The following ZNF106 variants were observed in gnomAD, a reference collection of about 807,000 sequenced individuals.
ZNF106 encodes SH3-domain binding protein 3.
Under a neutral mutation model 195.1 loss-of-function variants are expected in ZNF106, and 67 were observed. The observed-to-expected ratio is 0.34, with a 90% CI of 0.28 to 0.42. The LOEUF is 0.42. Among genes scored for constraint, ZNF106 ranks in the 10% least tolerant of loss-of-function variants. The probability of loss-of-function intolerance (pLI) is 1.00; values close to 1 mark genes in which losing one functional copy is unlikely to be tolerated. For synonymous variants in ZNF106, 784 were observed against 818.6 expected (o/e 0.96, Z 0.72); for missense variants, 2,118 against 2,304.5 (o/e 0.92, Z 1.66).
intron 10 of ZNF106, among the ~76,000 whole-genome samples, chr15:42,441,034 T>A (rs1446774680): frequency 2.3e-4 from 21 of 92,298 alleles, no homozygotes; most frequent in East Asian, 2.2e-3. Flanking sequence ...TATATATATA[T>A]ATATATATAT....
intron 6 of ZNF106, 22 bp downstream of exon 6, chr15:42,448,050 A>C: frequency 6.3e-7 from 1 of 1,575,730 alleles, no homozygotes; most frequent in Non-Finnish European, 8.6e-7. Flanking sequence ...GTTCTACAAA[A>C]AGCAGAGGGA....
intron 1 of ZNF106, among the ~76,000 whole-genome samples, chr15:42,485,736 T>C (rs1368886308): frequency 6.6e-6 from 1 of 152,188 alleles, no homozygotes; most frequent in Non-Finnish European, 1.5e-5. Context: ...ATAAAAATTA[T>C]TATAAAATAA....
chr15:42,451,982 G>T (rs779349298), intron 4 of ZNF106, 28 bp from the exon 5 acceptor site: 2 of 1,579,926 alleles, frequency 1.3e-6, no homozygotes, highest in African/African-American at 2.7e-5. Context: ...TTTCATTAGC[G>T]ATTTAAAGGA....
At position 42,414,722 on chromosome 15, in the gene ZNF106, G is replaced by C. The variant is rs1171523714; in HGVS notation, c.*2582C>G. The C allele has an allele frequency of 1.3e-5, 2 of 152,252 alleles. No individual in the cohort carries two copies. Among genetic ancestry groups the C allele is most frequent in the African/African-American group, 2.4e-5 (1 of 41,454 alleles). 9.4% of individuals were successfully genotyped at this position (152,252 alleles called of 1,614,324 possible). On this transcript the variant is annotated 3_prime_UTR_variant, in exon 22 of 22. Coordinates refer to ENST00000564754, the MANE Select transcript of ZNF106 (RefSeq NM_001366845.3). ...GATACATCGTCAGGCAGGGCAGAAG[G>C]GCACTACGCCGCAGAGCATTCGAGG...
At chr15:42,433,436 C>T (rs1350280606) in intron 14 of ZNF106, among the ~76,000 whole-genome samples, 1 of 151,054 alleles carries the variant, frequency 6.6e-6, no homozygotes, top group African/African-American at 2.4e-5. Flanking sequence ...CATTTTAATT[C>T]CTCAATTGAC....
At chr15:42,472,058 G>A (rs1273928607) in intron 2 of ZNF106, among the ~76,000 whole-genome samples, 178 bp downstream of exon 2, 1 of 152,130 alleles carries the variant, frequency 6.6e-6, no homozygotes, top group East Asian at 1.9e-4. Context: ...AGGCAGTAAC[G>A]AGAAAGAAAC....
chr15:42,435,583 C>T, intron 13 of ZNF106, 65 bp from the exon 14 acceptor site: 2 of 1,591,494 alleles, frequency 1.3e-6, no homozygotes, highest in Non-Finnish European at 1.7e-6. Context: ...AATATATTTC[C>T]TCAACAAAAA....
Position 42,449,801 on chromosome 15 carries a change from T to A in ZNF106, c.2471A>T (p.Lys824Ile). ...WEQVIQQVTK[K>I]KQELGKGLPR... Reference sequence around the variant, plus strand: ...TAAGCCTTTGCCCAGCTCTTGCTTTTTCTTGGTTACTTGCTGAATGACCTG... The same window carrying A: ...TAAGCCTTTGCCCAGCTCTTGCTTTATCTTGGTTACTTGCTGAATGACCTG... Residue 824 changes from lysine to isoleucine, a missense_variant, in exon 5 of 22, where the codon AAA (lysine) becomes ATA (isoleucine). Transcript: ENST00000564754. 1 of 1,614,050 alleles carries A rather than the reference T, an allele frequency of 6.2e-7. No homozygotes were observed. The highest frequency in any genetic ancestry group is 1.1e-5 in the South Asian group (1 of 91,074).
intron 1 of ZNF106, among the ~76,000 whole-genome samples, chr15:42,476,496 G>C (rs2056787422): frequency 6.6e-6 from 1 of 152,116 alleles, no homozygotes; most frequent in Admixed American, 6.6e-5. Context: ...CCTTACACTG[G>C]TTTTCACCAT....
chr15:42,428,281 T>C (rs778040335), intron 14 of ZNF106, 147 bp from the exon 15 acceptor site: 4 of 580,714 alleles, frequency 6.9e-6, no homozygotes, highest in Non-Finnish European at 1.2e-5. Context: ...ATCTTAGATC[T>C]GTTTCTCCTT....
At chr15:42,463,213 TTTTG>T (rs1163826329) in intron 3 of ZNF106, among the ~76,000 whole-genome samples, 1 of 152,194 alleles carries the variant, frequency 6.6e-6, no homozygotes, top group Non-Finnish European at 1.5e-5. Flanking sequence ...ACCTTGTTTG[TTTTG>T]TTTAATGATA....
intron 18 of ZNF106, among the ~76,000 whole-genome samples, 188 bp from the exon 19 acceptor site, chr15:42,422,176 C>A (rs773669089): frequency 2.1e-4 from 32 of 152,146 alleles, no homozygotes; most frequent in Middle Eastern, 6.8e-3. Flanking sequence ...AAGGAGGGAG[C>A]TGGTAATTAG....
chr15:42,451,147 G>A lies in ZNF106; in HGVS notation c.1125C>T (p.Tyr375=), dbSNP rs1244211800. 4 of 1,614,158 alleles carry A rather than the reference G, an allele frequency of 2.5e-6. No homozygotes were observed. Among genetic ancestry groups the A allele is most frequent in the Non-Finnish European group, 3.4e-6 (4 of 1,180,030 alleles). The part of the protein sequence containing the change: ...AREKPRRWTP[Y]PSQKTLDLQS... ...GTAAATCCAGAGTCTTCTGAGAAGG[G>A]TAAGGCGTCCAGCGACGAGGCTTTT... Residue 375 remains tyrosine (Y), a synonymous_variant, in exon 5 of 22, where the codon TAC becomes TAT. Coordinates refer to ENST00000564754, the MANE Select transcript of ZNF106 (RefSeq NM_001366845.3).
At chr15:42,451,981 C>T (rs568904235) in intron 4 of ZNF106, 27 bp from the exon 5 acceptor site, 15 of 1,583,746 alleles carry the variant, frequency 9.5e-6, no homozygotes, top group Non-Finnish European at 1.1e-5. Flanking sequence ...TTTTCATTAG[C>T]GATTTAAAGG....
At chr15:42,429,792 T>C (rs1215552396) in intron 14 of ZNF106, among the ~76,000 whole-genome samples, 2 of 152,002 alleles carry the variant, frequency 1.3e-5, no homozygotes, top group Non-Finnish European at 2.9e-5. Flanking sequence ...GAACATTACA[T>C]AGCAATAAAA....
rs201102338 is a variant in ZNF106, at chr15:42,425,015, C to T, written c.5009G>A (p.Arg1670Gln). 2.5e-6 allele frequency: 4 copies of T among 1,613,780 alleles called. No homozygotes were observed. The highest frequency in any genetic ancestry group is 2.2e-5 in the East Asian group (1 of 44,880). Residue 1670 changes from arginine (R) to glutamine (Q), a missense_variant, in exon 16 of 22, where the codon CGA (arginine) becomes CAA (glutamine). Arg to Gln is a conservative substitution (Grantham distance 43). Coordinates refer to ENST00000564754, the MANE Select transcript of ZNF106 (RefSeq NM_001366845.3). ...VVTFNIKNNK[R>Q]LEIFECHGPR... ...GCCATGGCATTCAAAGATCTCAAGT[C>T]GTTTGTTGTTCTGGAAAATAAGCCA...
At chr15:42,432,598 C>T (rs1052628709) in intron 14 of ZNF106, among the ~76,000 whole-genome samples, 8 of 151,640 alleles carry the variant, frequency 5.3e-5, no homozygotes, top group African/African-American at 1.9e-4. Context: ...TTTGCCTGGG[C>T]ATGGTGGTGC....
At chr15:42,420,978 CTGA>C in intron 20 of ZNF106, 80 bp downstream of exon 20, 2 of 1,216,584 alleles carry the variant, frequency 1.6e-6, no homozygotes, top group South Asian at 2.4e-5. Context: ...AAATGCTACA[CTGA>C]TGATAATGAA....
Position 42,444,197 on chromosome 15 carries a change from A to C in ZNF106, c.3421+5T>G. ...GGCCCAATCCATCAGATGCCCTCTG[A>C]ATACCTTGTAATCCCTGTAGAATCT... On this transcript the variant is annotated splice_donor_5th_base_variant and intron_variant, in intron 9 of 21. Coordinates refer to ENST00000564754, the MANE Select transcript of ZNF106 (RefSeq NM_001366845.3). The C allele has an allele frequency of 6.2e-7, 1 of 1,606,118 alleles. No individual in the cohort carries two copies. The highest frequency in any genetic ancestry group is 8.5e-7 in the Non-Finnish European group (1 of 1,174,932).
Sources: allele counts gnomAD v4.1 joint callset (sites outside exome capture counted in the v4.1 genomes callset), GRCh38; gene constraint gnomAD v4.1.1; transcripts MANE v1.5; gene names NCBI Gene and HGNC (gene_info 2026-07-23, HGNC 2026-07-21).